Variants in SLC36A1 observed in about 807,000 individuals in gnomAD.
SLC36A1 encodes the protein solute carrier family 36 member 1.
In SLC36A1, 30 loss-of-function variants were observed where a neutral mutation model predicts 47.5. The ratio of observed to expected loss-of-function variants is 0.63; its 90% CI spans 0.47 to 0.86. SLC36A1 has a LOEUF of 0.86. Ranked by LOEUF, SLC36A1 falls within the 40% of genes least tolerant of loss-of-function variation. The pLI, the probability that SLC36A1 is intolerant of heterozygous loss-of-function variation, is 0.00. For missense variants in SLC36A1, 517 were observed against 606.0 expected (o/e 0.85, Z 1.54); for synonymous variants, 255 against 249.7 (o/e 1.02, Z -0.20).
the SLC36A1 span, among the ~76,000 whole-genome samples, chr5:151,346,922 T>C: frequency 6.6e-6 from 1 of 152,302 alleles, no homozygotes; most frequent in Non-Finnish European, 1.5e-5. Context: ...GGACTCACCT[T>C]CTCCTCCAAG....
rs546697308 is a variant in SLC36A1, at chr5:151,475,000, T to C, written c.822+1229T>C. The stretch of plus-strand genomic sequence containing the variant: ...GATGGAACACGTTGAAGCTCTGACA[T>C]CATGGGGGAGGCTTTGGGAGTGATC... On this transcript the variant is annotated intron_variant, in intron 8 of 10. Coordinates refer to ENST00000243389, the MANE Select transcript of SLC36A1 (RefSeq NM_078483.4). Among the ~76,000 whole-genome samples, 112 of 152,340 alleles carry C rather than the reference T, an allele frequency of 7.4e-4. 1 individual carries two copies. Among genetic ancestry groups the C allele is most frequent in the Non-Finnish European group, 1.5e-3 (103 of 68,028 alleles).
At chr5:151,397,983 T>A in the SLC36A1 span, among the ~76,000 whole-genome samples, 1 of 151,924 alleles carries the variant, frequency 6.6e-6, no homozygotes, top group Non-Finnish European at 1.5e-5. Context: ...CCAAGCATGG[T>A]GGCATGTGCC....
the SLC36A1 span, among the ~76,000 whole-genome samples, chr5:151,345,018 C>T: frequency 6.6e-6 from 1 of 152,156 alleles, no homozygotes; most frequent in Non-Finnish European, 1.5e-5. Context: ...CACACCTCCC[C>T]TCCCCCAAAC....
the SLC36A1 span, chr5:151,507,238 G>T: frequency 6.2e-7 from 1 of 1,614,004 alleles, no homozygotes; most frequent in Non-Finnish European, 8.5e-7. Context: ...AGTCTGGGGG[G>T]CACACTGCAG....
At chr5:151,408,960 T>C in the SLC36A1 span, among the ~76,000 whole-genome samples, 1 of 151,612 alleles carries the variant, frequency 6.6e-6, no homozygotes, top group African/African-American at 2.4e-5. Flanking sequence ...GAGTGAAACG[T>C]GGTGAGGGTG....
At position 151,461,718 on chromosome 5, in the gene SLC36A1, CGTT is replaced by C. The variant is rs1280453249; in HGVS notation, c.144-1832_144-1830del. Among the ~76,000 whole-genome samples the C allele has an allele frequency of 1.4e-4, 22 of 152,244 alleles. No homozygotes were observed. The South Asian group carries it at 2.7e-3, about 19-fold the overall frequency. ...AGTGGCACCAAATTATACTAGTTGTCGTTGTATTTTTCACTGCCACACATGCGC... is the reference window on the plus strand; with the variant it reads ...AGTGGCACCAAATTATACTAGTTGTCGTATTTTTCACTGCCACACATGCGC... On this transcript the variant is annotated intron_variant, in intron 2 of 10. Coordinates refer to ENST00000243389, the MANE Select transcript of SLC36A1 (RefSeq NM_078483.4).
At chr5:151,522,160 C>A in the SLC36A1 span, 1 of 1,217,078 alleles carries the variant, frequency 8.2e-7, no homozygotes. Context: ...GCTGGGCCTC[C>A]TTGTGGAGCT....
the SLC36A1 span, chr5:151,543,795 C>A: frequency 6.2e-7 from 1 of 1,614,146 alleles, no homozygotes; most frequent in Non-Finnish European, 8.5e-7. Context: ...AGTCCAGGTG[C>A]TTTTTGCAAA....
At chr5:151,409,999 G>A in the SLC36A1 span, among the ~76,000 whole-genome samples, 5 of 152,198 alleles carry the variant, frequency 3.3e-5, no homozygotes, top group South Asian at 1.0e-3. Context: ...AGAATCCTAA[G>A]CCCTTTACAT....
rs191247465 is a variant in SLC36A1 at position 151,482,860 on chromosome 5, C to T, written c.1159+3371C>T. On this transcript the variant is annotated intron_variant, in intron 10 of 10. Coordinates refer to ENST00000243389, the MANE Select transcript of SLC36A1 (RefSeq NM_078483.4). ...ATTTAAAAGTAACATGGTGAAACCCCGTCTCTACTAAAAATACAAAAACAA... is the reference window on the plus strand; with the variant it reads ...ATTTAAAAGTAACATGGTGAAACCCTGTCTCTACTAAAAATACAAAAACAA... 4.6e-3 allele frequency among the ~76,000 whole-genome samples: 694 copies of T among 152,092 alleles called. 2 individuals are homozygous for T. Among genetic ancestry groups the T allele is most frequent in the Non-Finnish European group, 5.4e-3 (369 of 67,990 alleles).
chr5:151,514,852 C>CTGAT, the SLC36A1 span, among the ~76,000 whole-genome samples: 1 of 152,256 alleles, frequency 6.6e-6, no homozygotes, highest in African/African-American at 2.4e-5. Flanking sequence ...CAAGGGTCTA[C>CTGAT]TGATTCTCCT....
intron 2 of SLC36A1, among the ~76,000 whole-genome samples, chr5:151,462,147 A>C (rs538703673): frequency 2.0e-5 from 3 of 152,260 alleles, no homozygotes; most frequent in Admixed American, 6.5e-5. Flanking sequence ...AGGAAAAAAA[A>C]CCAACTTGTA....
the SLC36A1 span, chr5:151,517,509 T>G: frequency 7.4e-7 from 1 of 1,346,500 alleles, no homozygotes; most frequent in Non-Finnish European, 1.0e-6. Context: ...CTGAAAACTG[T>G]GCAGGGATTT....
chr5:151,460,037 C>T (rs1266237016), intron 2 of SLC36A1, among the ~76,000 whole-genome samples: 1 of 152,170 alleles, frequency 6.6e-6, no homozygotes, highest in Admixed American at 6.5e-5. Context: ...TTTGTAGATT[C>T]CCCATTAGCC....
intron 10 of SLC36A1, chr5:151,479,891 T>A (rs2127533384): frequency 1.9e-6 from 1 of 520,726 alleles, no homozygotes. Context: ...GTTTTTCCAC[T>A]GTGACAAGTT....
intron 2 of SLC36A1, 61 bp from the exon 3 acceptor site, chr5:151,463,492 T>G: frequency 9.3e-5 from 109 of 1,167,088 alleles, no homozygotes; most frequent in Non-Finnish European, 1.3e-4. Flanking sequence ...ATATAAGCAC[T>G]GAGATCCTAA....
the SLC36A1 span, chr5:151,347,284 A>G: frequency 6.2e-7 from 1 of 1,614,138 alleles, no homozygotes; most frequent in South Asian, 1.1e-5. Flanking sequence ...GGATGGCAGA[A>G]AACAGCACTC....
chr5:151,432,323 C>A (rs1242861258), upstream of SLC36A1, among the ~76,000 whole-genome samples: 1 of 152,212 alleles, frequency 6.6e-6, no homozygotes, highest in African/African-American at 2.4e-5. Flanking sequence ...AGGCGGTCAG[C>A]AAAGCTTTCC....
At chr5:151,543,939 G>T in the SLC36A1 span, 2 of 1,614,054 alleles carry the variant, frequency 1.2e-6, no homozygotes, top group Non-Finnish European at 1.7e-6. Context: ...TAAGAACCAG[G>T]TGTCCACAGG....
Sources: gnomAD v4.1 joint callset for allele counts (sites outside exome capture counted in the v4.1 genomes callset) on GRCh38, gnomAD v4.1.1 for gene constraint, MANE v1.5 for transcripts, NCBI Gene and HGNC (gene_info 2026-07-23, HGNC 2026-07-21) for gene names.